Variants in KLF12 observed in about 807,000 individuals in gnomAD.
The protein encoded by KLF12 is Krueppel-like factor 12.
In KLF12, 9 loss-of-function variants were observed where a neutral mutation model predicts 37.8. The ratio of observed to expected loss-of-function variants is 0.24; its 90% CI spans 0.14 to 0.42. The LOEUF is 0.42. Ranked by LOEUF, KLF12 falls within the 10% of genes least tolerant of loss-of-function variation. The pLI is 1.00. For synonymous variants in KLF12, 208 were observed against 202.1 expected (o/e 1.03, Z -0.25); for missense variants, 411 against 516.0 (o/e 0.80, Z 1.97).
intron 6 of KLF12, among the ~76,000 whole-genome samples, chr13:73,728,381 T>C (rs1482895867): frequency 3.5e-4 from 53 of 152,210 alleles, no homozygotes; most frequent in Non-Finnish European, 1.5e-5. Flanking sequence ...ATTTCCTATA[T>C]ACAAGATCAT....
intron 2 of KLF12, among the ~76,000 whole-genome samples, chr13:73,957,416 G>A (rs1160925755): frequency 6.6e-6 from 1 of 152,162 alleles, no homozygotes; most frequent in East Asian, 1.9e-4. Context: ...AAAGAAACCT[G>A]AAGATTTCAA....
At chr13:73,775,108 G>A (rs941218996) in intron 5 of KLF12, among the ~76,000 whole-genome samples, 1 of 151,990 alleles carries the variant, frequency 6.6e-6, no homozygotes, top group Non-Finnish European at 1.5e-5. Context: ...AGTAGAGACA[G>A]GCTTTTGCCA....
At chr13:73,884,120 G>A (rs533129588) in intron 3 of KLF12, among the ~76,000 whole-genome samples, 5 of 152,238 alleles carry the variant, frequency 3.3e-5, no homozygotes, top group African/African-American at 9.6e-5. Flanking sequence ...TCAATATTAT[G>A]TCTCGAAATA....
At chr13:74,240,946 T>A in the KLF12 span, among the ~76,000 whole-genome samples, 2 of 151,476 alleles carry the variant, frequency 1.3e-5, no homozygotes, top group East Asian at 1.9e-4. Context: ...TCTCAGCTCG[T>A]CAAAGTCATT....
intron 1 of KLF12, among the ~76,000 whole-genome samples, chr13:74,120,698 T>C (rs1877577380): frequency 1.3e-5 from 2 of 152,018 alleles, no homozygotes; most frequent in South Asian, 4.1e-4. Context: ...CCAGGATGGA[T>C]AGGCTATAAC....
intron 2 of KLF12, among the ~76,000 whole-genome samples, chr13:73,949,140 C>G (rs1593772252): frequency 6.6e-6 from 1 of 152,200 alleles, no homozygotes; most frequent in Non-Finnish European, 1.5e-5. Flanking sequence ...GTATTGAAAA[C>G]CAGTGAGTGT....
At chr13:73,812,789 A>G (rs1323888945) in intron 5 of KLF12, 2 of 168,358 alleles carry the variant, frequency 1.2e-5, no homozygotes, top group Non-Finnish European at 2.5e-5. Context: ...TCAAAACAAG[A>G]TAACAATACT....
chr13:73,948,030 C>T (rs913617466), intron 2 of KLF12, among the ~76,000 whole-genome samples: 7 of 152,128 alleles, frequency 4.6e-5, no homozygotes. Context: ...TTGTTTTGCT[C>T]TTTGTAAATA....
intron 1 of KLF12, among the ~76,000 whole-genome samples, chr13:74,053,449 T>C (rs1052398071): frequency 3.9e-5 from 6 of 152,212 alleles, no homozygotes; most frequent in Non-Finnish European, 5.9e-5. Flanking sequence ...CATGTATTAA[T>C]TAATTTAATG....
chr13:74,086,657 C>T (rs9543527), intron 1 of KLF12, among the ~76,000 whole-genome samples: 80,066 of 151,762 alleles, frequency 0.53, 21,588 homozygotes, highest in Middle Eastern at 0.63. Context: ...CTGTTGACCC[C>T]TGAACATCAT....
chr13:73,828,727 A>C (rs1270936576), intron 4 of KLF12, among the ~76,000 whole-genome samples: 1 of 152,198 alleles, frequency 6.6e-6, no homozygotes, highest in East Asian at 1.9e-4. Flanking sequence ...AGAGTTCAGT[A>C]AATAAATCGT....
the KLF12 span, among the ~76,000 whole-genome samples, chr13:74,163,603 G>A: frequency 1.3e-5 from 2 of 152,038 alleles, no homozygotes; most frequent in African/African-American, 4.8e-5. Flanking sequence ...GAGGGAAGGT[G>A]GGGATGGTTA....
chr13:73,761,211 G>T (rs1373415029), intron 6 of KLF12, among the ~76,000 whole-genome samples: 2 of 152,128 alleles, frequency 1.3e-5, no homozygotes, highest in African/African-American at 4.8e-5. Context: ...CAGAAAAATA[G>T]ATTTTTTCTG....
chr13:74,285,769 T>C, the KLF12 span, among the ~76,000 whole-genome samples: 1 of 152,180 alleles, frequency 6.6e-6, no homozygotes, highest in Non-Finnish European at 1.5e-5. Context: ...AAGGATTATA[T>C]CTATTTGATA....
chr13:73,860,364 T>G (rs1329704628), intron 3 of KLF12, among the ~76,000 whole-genome samples: 1 of 152,152 alleles, frequency 6.6e-6, no homozygotes, highest in South Asian at 2.1e-4. Flanking sequence ...CAGTCCCCAG[T>G]ACAAAGTAAG....
chr13:73,916,348 C>T (rs1428202235), intron 3 of KLF12, among the ~76,000 whole-genome samples: 1 of 151,994 alleles, frequency 6.6e-6, no homozygotes, highest in Non-Finnish European at 1.5e-5. Context: ...TTAAAAGATA[C>T]AGCTTTATTG....
intron 1 of KLF12, among the ~76,000 whole-genome samples, chr13:74,045,394 C>T (rs1055084622): frequency 6.6e-6 from 1 of 152,092 alleles, no homozygotes; most frequent in African/African-American, 2.4e-5. Flanking sequence ...CTACAAAATA[C>T]CCGACGAGCA....
chr13:73,936,722 A>C (rs1346605731), intron 3 of KLF12, among the ~76,000 whole-genome samples: 1 of 152,140 alleles, frequency 6.6e-6, no homozygotes, highest in Non-Finnish European at 1.5e-5. Flanking sequence ...CAGTAAGCTG[A>C]GGCCACTGTA....
At chr13:73,994,790 A>G (rs1892062739) in intron 2 of KLF12, among the ~76,000 whole-genome samples, 200 bp downstream of exon 2, 1 of 152,142 alleles carries the variant, frequency 6.6e-6, no homozygotes, top group East Asian at 1.9e-4. Context: ...ACTTGCAGGA[A>G]AAAAATGAGG....
Sources: allele counts gnomAD v4.1 joint callset (sites outside exome capture counted in the v4.1 genomes callset), GRCh38; gene constraint gnomAD v4.1.1; transcripts MANE v1.5; gene names NCBI Gene and HGNC (gene_info 2026-07-23, HGNC 2026-07-21).